CGGBP1: variants seen among roughly 807,000 people sequenced by gnomAD.
The protein encoded by CGGBP1 is CGG triplet repeat-binding protein 1.
A neutral mutation model predicts 11.4 loss-of-function variants in CGGBP1; 4 were observed. The ratio of observed to expected loss-of-function variants is 0.35; its 90% CI spans 0.17 to 0.80. The LOEUF (loss-of-function observed/expected upper bound fraction) is 0.80, where lower values mean the gene tolerates loss of function less well. Ranked by LOEUF, CGGBP1 falls within the 30% of genes least tolerant of loss-of-function variation. The pLI is 0.52. For missense variants in CGGBP1, 135 were observed against 202.1 expected, an observed-to-expected ratio of 0.67 and a Z score of 2.01; for synonymous variants, 76 against 74.1, an observed-to-expected ratio of 1.03 and a Z score of -0.13.
intron 2 of CGGBP1, among the ~76,000 whole-genome samples, chr3:88,108,528 C>G (rs1704885882): frequency 6.6e-6 from 1 of 152,090 alleles, no homozygotes; most frequent in Non-Finnish European, 1.5e-5. Flanking sequence ...AGAAATAATA[C>G]ATTTTAAAAT....
At chr3:88,097,907 A>G (rs1180109237) in intron 2 of CGGBP1, among the ~76,000 whole-genome samples, 1 of 152,216 alleles carries the variant, frequency 6.6e-6, no homozygotes, top group Non-Finnish European at 1.5e-5. Flanking sequence ...ACACCCTAAT[A>G]TCACAATTAA....
At chr3:88,059,053 A>G, upstream of CGGBP1, 1 of 596,930 alleles carries the variant, frequency 1.7e-6, no homozygotes. Context: ...AGCATTGACC[A>G]ACAGACGGCC....
chr3:88,053,081 CTATA>C lies in CGGBP1; in HGVS notation c.*2388_*2391del. ...CCAATAGTATAGCATCACACTAACACTATATAGTTAAGATTGAAAACTTCTGTAC... is the reference window on the plus strand; with the variant it reads ...CCAATAGTATAGCATCACACTAACACTAGTTAAGATTGAAAACTTCTGTAC... On this transcript the variant is annotated 3_prime_UTR_variant, in exon 4 of 4. Coordinates refer to ENST00000482016, the MANE Select transcript of CGGBP1 (RefSeq NM_001008390.2). 6.6e-6 allele frequency: 1 copy of C among 152,628 alleles called. No individual in the cohort carries two copies. The highest frequency in any genetic ancestry group is 3.4e-3 in the Middle Eastern group (1 of 294). The allele number at this position is 152,628 out of a possible 1,614,324, so 9.5% of individuals were successfully genotyped here.
At chr3:88,103,702 T>TG (rs1193053129) in intron 2 of CGGBP1, among the ~76,000 whole-genome samples, 3 of 150,714 alleles carry the variant, frequency 2.0e-5, no homozygotes, top group Admixed American at 6.6e-5. Flanking sequence ...CTTCAGAAAT[T>TG]GCAAGTTAAA....
chr3:88,058,344 G>A (rs2107564586), intron 1 of CGGBP1, 121 bp from the exon 2 acceptor site: 1 of 152,380 alleles, frequency 6.6e-6, no homozygotes, highest in South Asian at 2.1e-4. Flanking sequence ...CACTTTATAG[G>A]TAACTACAAA....
At chr3:88,086,638 A>G (rs1220572602) in intron 2 of CGGBP1, among the ~76,000 whole-genome samples, 1 of 152,226 alleles carries the variant, frequency 6.6e-6, no homozygotes, top group Non-Finnish European at 1.5e-5. Flanking sequence ...TACTACAAGC[A>G]CTTTACTTTC....
intron 2 of CGGBP1, among the ~76,000 whole-genome samples, chr3:88,099,531 C>G (rs1400074244): frequency 7.0e-6 from 1 of 143,604 alleles, no homozygotes; most frequent in Non-Finnish European, 1.5e-5. Context: ...CAATCCTAAG[C>G]CAAAGAACAA....
intron 2 of CGGBP1, among the ~76,000 whole-genome samples, chr3:88,064,455 C>T (rs1452800925): frequency 6.6e-6 from 1 of 152,104 alleles, no homozygotes; most frequent in East Asian, 1.9e-4. Context: ...GAGTTAGTTG[C>T]CATTGTTTTG....
At chr3:88,078,815 A>G (rs2107639014) in intron 2 of CGGBP1, among the ~76,000 whole-genome samples, 1 of 152,246 alleles carries the variant, frequency 6.6e-6, no homozygotes, top group South Asian at 2.1e-4. Context: ...TAGTATTATT[A>G]ACTGACTTAA....
chr3:88,116,559 T>TACACACACAC (rs140401038), intron 2 of CGGBP1, among the ~76,000 whole-genome samples: 78,171 of 146,382 alleles, frequency 0.53, 22,232 homozygotes, highest in South Asian at 0.82. Flanking sequence ...CATACATATA[T>TACACACACAC]ATACACACAC....
At chr3:88,057,914 T>C (rs1377895607) in intron 2 of CGGBP1, 105 bp downstream of exon 2, 1 of 152,062 alleles carries the variant, frequency 6.6e-6, no homozygotes, top group Non-Finnish European at 1.5e-5. Context: ...TTTCAACAAA[T>C]GAAGAAATTA....
intron 2 of CGGBP1, among the ~76,000 whole-genome samples, chr3:88,083,375 A>C (rs1222661925): frequency 1.3e-5 from 2 of 152,198 alleles, no homozygotes; most frequent in Non-Finnish European, 2.9e-5. Flanking sequence ...TGGTTAATTA[A>C]GATATGACAT....
intron 2 of CGGBP1, among the ~76,000 whole-genome samples, chr3:88,136,314 A>C (rs1399321727): frequency 6.6e-6 from 1 of 152,182 alleles, no homozygotes; most frequent in Non-Finnish European, 1.5e-5. Flanking sequence ...ATGTGGGGTA[A>C]ACCTGCAAAT....
chr3:88,088,445 A>C (rs1316682006), intron 2 of CGGBP1, among the ~76,000 whole-genome samples: 3 of 152,214 alleles, frequency 2.0e-5, no homozygotes, highest in Non-Finnish European at 4.4e-5. Flanking sequence ...GTTACGTACA[A>C]CATTAAAAAC....
chr3:88,066,136 A>G (rs1707185749), intron 2 of CGGBP1, among the ~76,000 whole-genome samples: 1 of 152,260 alleles, frequency 6.6e-6, no homozygotes, highest in Admixed American at 6.5e-5. Context: ...TTTTAAAAAA[A>G]TGAATTGGTT....
intron 1 of CGGBP1, chr3:88,142,947 G>A (rs536143638): frequency 6.6e-6 from 1 of 152,198 alleles, no homozygotes; most frequent in East Asian, 1.9e-4. Flanking sequence ...GTCCATTATT[G>A]AAAGGAAGAT....
At chr3:88,059,134 G>C, upstream of CGGBP1, 1 of 1,129,562 alleles carries the variant, frequency 8.9e-7, no homozygotes, top group Non-Finnish European at 1.2e-6. Context: ...TTGGCAGCTT[G>C]CGTCTTCCAA....
At chr3:88,088,727 TA>T (rs11329135) in intron 2 of CGGBP1, among the ~76,000 whole-genome samples, 118,472 of 151,424 alleles carry the variant, frequency 0.78, 47,243 homozygotes, top group South Asian at 0.91. Flanking sequence ...TGAGGCAGTT[TA>T]AAAAAAAACC....
At chr3:88,087,160 C>T (rs371931982) in intron 2 of CGGBP1, among the ~76,000 whole-genome samples, 22 of 152,150 alleles carry the variant, frequency 1.4e-4, no homozygotes, top group African/African-American at 4.6e-4. Flanking sequence ...TTCACCGCAA[C>T]CTCTACCTCC....
Sources: allele counts gnomAD v4.1 joint callset (sites outside exome capture counted in the v4.1 genomes callset), GRCh38; gene constraint gnomAD v4.1.1; transcripts MANE v1.5; gene names NCBI Gene and HGNC (gene_info 2026-07-23, HGNC 2026-07-21).